The following MAP4K5 variants were observed in gnomAD, a reference collection of about 807,000 sequenced individuals.
The protein encoded by MAP4K5 is MAPK/ERK kinase kinase kinase 5.
Under a neutral mutation model 135.6 loss-of-function variants are expected in MAP4K5, and 82 were observed. The ratio of observed to expected loss-of-function variants is 0.60; its 90% CI spans 0.51 to 0.73. MAP4K5 has a LOEUF of 0.73. Among genes scored for constraint, MAP4K5 ranks in the 30% least tolerant of loss-of-function variants. MAP4K5 has a pLI of 0.00. For synonymous variants in MAP4K5, 347 were observed against 335.0 expected (o/e 1.04, Z -0.39); for missense variants, 907 against 1,010.9 (o/e 0.90, Z 1.39).
intron 2 of MAP4K5, among the ~76,000 whole-genome samples, chr14:50,526,191 C>T (rs1043697533): frequency 3.3e-5 from 5 of 152,198 alleles, no homozygotes; most frequent in Non-Finnish European, 7.4e-5. Context: ...GGTTCACACT[C>T]CTCTCTCTCC....
At chr14:50,463,446 T>C (rs1566657425) in intron 12 of MAP4K5, among the ~76,000 whole-genome samples, 1 of 152,218 alleles carries the variant, frequency 6.6e-6, no homozygotes, top group Non-Finnish European at 1.5e-5. Context: ...CCTCTTTTTG[T>C]AAATATTTAT....
intron 31 of MAP4K5, 41 bp downstream of exon 31, chr14:50,425,866 T>C: frequency 7.1e-7 from 1 of 1,398,680 alleles, no homozygotes; most frequent in Non-Finnish European, 1.0e-6. Flanking sequence ...ACATTTAAAA[T>C]TGTTAGTGGG....
chr14:50,553,740 G>GTA (rs1465945554), intron 1 of MAP4K5, among the ~76,000 whole-genome samples: 4 of 152,148 alleles, frequency 2.6e-5, no homozygotes, highest in African/African-American at 9.7e-5. Context: ...AGGAAATGTG[G>GTA]TATATATACA....
intron 2 of MAP4K5, among the ~76,000 whole-genome samples, chr14:50,517,151 A>AC (rs1376836024): frequency 1.3e-5 from 2 of 148,964 alleles, no homozygotes; most frequent in Non-Finnish European, 3.0e-5. Context: ...AAATTACAAT[A>AC]CTTTTTTTTT....
intron 1 of MAP4K5, chr14:50,560,493 CT>C (rs1166804635): frequency 1.3e-5 from 9 of 712,300 alleles, no homozygotes. Context: ...CCGAATCGCG[CT>C]GTCGGGGTGA....
chr14:50,430,552 A>G (rs540301453), intron 28 of MAP4K5, among the ~76,000 whole-genome samples: 2 of 152,320 alleles, frequency 1.3e-5, no homozygotes, highest in African/African-American at 4.8e-5. Flanking sequence ...TTTTGAAGTT[A>G]CCTCAACTTC....
chr14:50,420,535 G>C (rs574207060), intron 32 of MAP4K5, among the ~76,000 whole-genome samples: 1 of 152,290 alleles, frequency 6.6e-6, no homozygotes, highest in African/African-American at 2.4e-5. Flanking sequence ...AGGACGCTGA[G>C]GCAGGAGGAT....
chr14:50,496,808 C>T (rs2037604795), intron 3 of MAP4K5, among the ~76,000 whole-genome samples: 1 of 149,570 alleles, frequency 6.7e-6, no homozygotes, highest in Admixed American at 6.6e-5. Flanking sequence ...CCACCGCTCC[C>T]AGACCAAAAA....
At chr14:50,530,323 C>T (rs1020276353) in intron 2 of MAP4K5, among the ~76,000 whole-genome samples, 9 of 152,164 alleles carry the variant, frequency 5.9e-5, no homozygotes, top group African/African-American at 2.2e-4. Flanking sequence ...GAATAAAATC[C>T]TGCTCCAGAG....
chr14:50,534,640 A>G (rs2038469980), upstream of MAP4K5, among the ~76,000 whole-genome samples: 1 of 152,236 alleles, frequency 6.6e-6, no homozygotes, highest in Non-Finnish European at 1.5e-5. Context: ...TTGACCATCA[A>G]CCTAGAGGCA....
At chr14:50,554,764 G>T (rs2038744645) in intron 1 of MAP4K5, among the ~76,000 whole-genome samples, 1 of 152,180 alleles carries the variant, frequency 6.6e-6, no homozygotes, top group African/African-American at 2.4e-5. Context: ...TCCTGCTGCT[G>T]CCCAGAAGTG....
intron 9 of MAP4K5, among the ~76,000 whole-genome samples, 166 bp from the exon 10 acceptor site, chr14:50,468,948 A>G (rs773094116): frequency 2.0e-5 from 3 of 152,224 alleles, no homozygotes; most frequent in Non-Finnish European, 4.4e-5. Context: ...TTTCACACAC[A>G]TACACACTTT....
chr14:50,481,566 CA>C (rs979805696), intron 6 of MAP4K5, among the ~76,000 whole-genome samples: 1 of 152,030 alleles, frequency 6.6e-6, no homozygotes, highest in Non-Finnish European at 1.5e-5. Context: ...TACAAAAATA[CA>C]AACCACAATC....
intron 3 of MAP4K5, among the ~76,000 whole-genome samples, chr14:50,496,179 A>T (rs2037587670): frequency 2.0e-5 from 3 of 151,882 alleles, no homozygotes; most frequent in Admixed American, 2.0e-4. Context: ...ATAAAAAATT[A>T]GTCGGGTGTC....
chr14:50,531,835 G>A, intron 2 of MAP4K5, 107 bp downstream of exon 2: 3 of 852,252 alleles, frequency 3.5e-6, no homozygotes, highest in South Asian at 1.4e-5. Context: ...CTCCCCAAGA[G>A]GCAACAATAA....
At position 50,485,598 on chromosome 14, in the gene MAP4K5, G is replaced by T. The variant is rs866859901; in HGVS notation, c.302C>A (p.Ser101Ter). The T allele has an allele frequency of 6.4e-7, 1 of 1,551,480 alleles. No individual in the cohort carries two copies. The highest frequency in any genetic ancestry group is 8.7e-7 in the Non-Finnish European group (1 of 1,145,032). Residue 101 changes from serine (S) to a stop codon, truncating the protein, a stop_gained, in exon 5 of 33, where the codon TCA (serine) becomes TAA (stop). Transcript: ENST00000682126. LOFTEE classifies it high-confidence loss of function. ...AGTACCATGGTAAATATCTTGAAGT[G>T]ATCCGCCACCACAGTATTCCATACA... is the stretch of plus-strand genomic sequence containing the variant. ...WICMEYCGGG[S>*]LQDIYHVTGP...
chr14:50,453,588 C>T (rs544456857), intron 14 of MAP4K5, among the ~76,000 whole-genome samples: 1 of 152,234 alleles, frequency 6.6e-6, no homozygotes, highest in South Asian at 2.1e-4. Context: ...TGGACTAAAT[C>T]ACTGACACAG....
intron 9 of MAP4K5, among the ~76,000 whole-genome samples, chr14:50,473,428 G>A (rs939541133): frequency 8.6e-5 from 13 of 151,772 alleles, no homozygotes; most frequent in East Asian, 1.9e-4. Context: ...CATATGTTAC[G>A]ATACTTAATA....
chr14:50,500,285 T>A (rs2037681019), intron 3 of MAP4K5, among the ~76,000 whole-genome samples: 1 of 152,158 alleles, frequency 6.6e-6, no homozygotes, highest in African/African-American at 2.4e-5. Flanking sequence ...CACTCACGTG[T>A]CCTATGCAGC....
Sources: allele counts gnomAD v4.1 joint callset (sites outside exome capture counted in the v4.1 genomes callset), GRCh38; gene constraint gnomAD v4.1.1; transcripts MANE v1.5; gene names NCBI Gene and HGNC (gene_info 2026-07-23, HGNC 2026-07-21).